The following IPO5 variants were observed in gnomAD, a reference collection of about 807,000 sequenced individuals.
IPO5 encodes importin-5.
IPO5 carries 18 observed loss-of-function variants against 143.3 expected under a neutral mutation model. That is an observed-to-expected ratio of 0.13 (90% CI 0.09 to 0.19). The LOEUF (loss-of-function observed/expected upper bound fraction) is 0.19, where lower values mean the gene tolerates loss of function less well. Among genes scored for constraint, IPO5 ranks in the 10% least tolerant of loss-of-function variants. The pLI, the probability that IPO5 is intolerant of heterozygous loss-of-function variation, is 1.00. For missense variants in IPO5, 1,013 were observed against 1,336.9 expected, an observed-to-expected ratio of 0.76 and a Z score of 3.78; for synonymous variants, 477 against 465.7, an observed-to-expected ratio of 1.02 and a Z score of -0.31.
chr13:97,999,485 A>G (rs1888581643), intron 12 of IPO5, among the ~76,000 whole-genome samples: 1 of 152,298 alleles, frequency 6.6e-6, no homozygotes, highest in South Asian at 2.1e-4. Context: ...TTTGTTTTCT[A>G]AACTAGATGA....
chr13:98,008,854 T>A (rs1889477836), intron 18 of IPO5, among the ~76,000 whole-genome samples: 2 of 152,210 alleles, frequency 1.3e-5, no homozygotes, highest in South Asian at 4.1e-4. Context: ...CAATAAATAA[T>A]TGTTGAATTA....
chr13:97,965,804 A>G (rs1459122183), intron 2 of IPO5, among the ~76,000 whole-genome samples: 1 of 151,052 alleles, frequency 6.6e-6, no homozygotes, highest in African/African-American at 2.4e-5. Flanking sequence ...TGAATTCCTT[A>G]GGATTTTGTC....
intron 2 of IPO5, among the ~76,000 whole-genome samples, chr13:97,967,111 C>A (rs1250118275): frequency 2.0e-5 from 3 of 152,098 alleles, no homozygotes; most frequent in Non-Finnish European, 4.4e-5. Flanking sequence ...TTTTCTATTT[C>A]TTCGTGAATC....
intron 6 of IPO5, chr13:97,987,998 T>C: frequency 3.2e-6 from 1 of 313,378 alleles, no homozygotes; most frequent in South Asian, 2.5e-5. Flanking sequence ...AGCATCATCT[T>C]TAGGTTGAAG....
chr13:98,018,674 G>A lies in IPO5; in HGVS notation c.2806G>A (p.Gly936Ser), dbSNP rs777731318. The A allele has an allele frequency of 6.2e-7, 1 of 1,614,098 alleles. No individual in the cohort carries two copies. Residue 936 changes from glycine (G) to serine (S), a missense_variant, in exon 26 of 29, where the codon GGT becomes AGT. Gly to Ser is a moderately conservative substitution (Grantham distance 56, BLOSUM62 0). Around this residue, in one of 2 missense-constraint regions of IPO5, gnomAD observed 685 missense variants for 994.9 expected, o/e 0.69. Transcript: ENST00000651721. ...TGGCCTGGGAGTCATGGCACAGTAC[G>A]GTGGAGATAATTATCGCCCTTTTTG... ...AYGLGVMAQYGGDNYRPFCTE... is the reference protein window; with the variant it reads ...AYGLGVMAQYSGDNYRPFCTE...
rs147905508 is a variant in IPO5 at position 98,002,647 on chromosome 13, C to T, written c.1234-37C>T. ...GATTAGTGTAGCTTCATGTGGAAAC[C>T]TTCTTGCTTTTACTAATGAAAGGGA... On this transcript the variant is annotated intron_variant, in intron 14 of 28. Transcript: ENST00000651721. 1.3e-4 allele frequency: 211 copies of T among 1,606,516 alleles called. No homozygotes were observed. In the African/African-American group the frequency reaches 2.2e-3, roughly 17 times the overall value.
intron 2 of IPO5, among the ~76,000 whole-genome samples, chr13:97,966,381 T>C (rs1026165467): frequency 4.7e-4 from 71 of 152,170 alleles, no homozygotes; most frequent in Non-Finnish European, 1.8e-4. Context: ...CTGCATCAAT[T>C]GAGATGCTCA....
At chr13:98,002,192 T>G (rs1329132225) in intron 13 of IPO5, 1 of 192,758 alleles carries the variant, frequency 5.2e-6, no homozygotes, top group Non-Finnish European at 1.1e-5. Context: ...TTTTTTGTAT[T>G]TTTAAGTAGA....
At chr13:97,969,985 C>T in intron 3 of IPO5, 155 bp downstream of exon 3, 4 of 611,142 alleles carry the variant, frequency 6.5e-6, no homozygotes, top group Non-Finnish European at 1.2e-5. Context: ...AGGCGTGAGC[C>T]ATCACACCCA....
In IPO5 at chr13:97,982,525, G is replaced by C. The variant is rs1406889426; in HGVS notation, c.113G>C (p.Gly38Ala). 2.5e-6 allele frequency: 4 copies of C among 1,612,330 alleles called. No individual in the cohort carries two copies. Among genetic ancestry groups the C allele is most frequent in the Non-Finnish European group, 3.4e-6 (4 of 1,178,890 alleles). The change falls in exon 5 of 29, where the codon GGC becomes GCC. Residue 38 changes from glycine (G) to alanine (A), a missense_variant. By Grantham distance (60) the Gly-to-Ala change is moderately conservative. This residue lies in a region of IPO5 where 328 missense variants were observed against 342.0 expected (regional missense o/e 0.96). Coordinates refer to ENST00000651721, the MANE Select transcript of IPO5 (RefSeq NM_002271.6). ...CAGGAAACCTATGAGAATATCCCAG[G>C]CCAGTCAAAGATCACATTCCTCTTA... ...QAEETYENIP[G>A]QSKITFLLQA... is the part of the protein sequence containing the mutation.
chr13:97,992,376 T>C (rs1887875704), intron 9 of IPO5, among the ~76,000 whole-genome samples: 1 of 152,184 alleles, frequency 6.6e-6, no homozygotes, highest in Admixed American at 6.5e-5. Context: ...CAGGTTCTAG[T>C]ACTTACTATG....
At chr13:97,992,255 A>T (rs1887867672) in intron 9 of IPO5, among the ~76,000 whole-genome samples, 1 of 152,222 alleles carries the variant, frequency 6.6e-6, no homozygotes, top group Non-Finnish European at 1.5e-5. Context: ...AAGAGTTGTT[A>T]TTCTGAAATA....
In IPO5 at chr13:98,009,909, G is replaced by A; in HGVS notation, c.1829G>A (p.Arg610Lys). The A allele has an allele frequency of 6.2e-7, 1 of 1,612,518 alleles. No homozygotes were observed. Among genetic ancestry groups the A allele is most frequent in the South Asian group, 1.1e-5 (1 of 90,850 alleles). The stretch of plus-strand genomic sequence containing the variant: ...TCTTACATGATCTCAGCATGGGCCA[G>A]AATGTGCAAAATCCTTGGAAAAGAA... Reference protein sequence around the residue: ...QISYMISAWARMCKILGKEFQ... With the variant: ...QISYMISAWAKMCKILGKEFQ... Residue 610 changes from arginine (R) to lysine (K), a missense_variant, in exon 19 of 29, where the codon AGA (arginine) becomes AAA (lysine). Arg to Lys is a conservative substitution (Grantham distance 26). This residue lies in a region of IPO5 where 685 missense variants were observed against 994.9 expected (regional missense o/e 0.69). Coordinates refer to ENST00000651721, the MANE Select transcript of IPO5 (RefSeq NM_002271.6).
intron 24 of IPO5, 57 bp downstream of exon 24, chr13:98,015,838 A>T (rs747994753): frequency 4.6e-6 from 5 of 1,088,150 alleles, no homozygotes; most frequent in Non-Finnish European, 6.8e-6. Flanking sequence ...AAAGACTTGT[A>T]AATGCCTCAA....
intron 4 of IPO5, chr13:97,979,734 G>A (rs1034688129): frequency 4.1e-5 from 15 of 362,458 alleles, no homozygotes; most frequent in African/African-American, 3.2e-4. Context: ...GTCTTGCTGT[G>A]TTGCCCAGGC....
chr13:98,005,342 G>T (rs1163308384), intron 16 of IPO5, among the ~76,000 whole-genome samples: 1 of 150,826 alleles, frequency 6.6e-6, no homozygotes. Flanking sequence ...GATTACAGGG[G>T]TGTGCCACCA....
At chr13:97,964,407 C>CATAT (rs2139510518) in intron 2 of IPO5, among the ~76,000 whole-genome samples, 1 of 149,718 alleles carries the variant, frequency 6.7e-6, no homozygotes, top group East Asian at 2.0e-4. Flanking sequence ...GTGTTTTCTG[C>CATAT]ATATGACTAG....
intron 28 of IPO5, 112 bp from the exon 29 acceptor site, chr13:98,021,624 T>C: frequency 2.0e-6 from 1 of 499,096 alleles, no homozygotes; most frequent in Admixed American, 3.3e-5. Context: ...ATCAAAATAA[T>C]GTACCTAGGG....
chr13:98,000,761 T>G, intron 13 of IPO5, 116 bp downstream of exon 13: 1 of 688,190 alleles, frequency 1.5e-6, no homozygotes, highest in South Asian at 1.8e-5. Flanking sequence ...CATCCATATT[T>G]AACCCAATTC....
Sources: allele counts gnomAD v4.1 joint callset (sites outside exome capture counted in the v4.1 genomes callset), GRCh38; gene constraint gnomAD v4.1.1; regional missense constraint gnomAD v4.1.1; transcripts MANE v1.5; gene names NCBI Gene and HGNC (gene_info 2026-07-23, HGNC 2026-07-21).